The following SPAG16 variants were observed in gnomAD, a reference collection of about 807,000 sequenced individuals.
The protein encoded by SPAG16 is sperm-associated antigen 16 protein.
A neutral mutation model predicts 80.4 loss-of-function variants in SPAG16; 86 were observed. That is an observed-to-expected ratio of 1.07 (90% CI 0.90 to 1.28). SPAG16 has a LOEUF of 1.28. Ranked by LOEUF, SPAG16 falls within the 50% of genes most tolerant of loss-of-function variation. The pLI is 0.00. For synonymous variants in SPAG16, 294 were observed against 265.9 expected, an observed-to-expected ratio of 1.11 and a Z score of -1.03; for missense variants, 870 against 765.3, an observed-to-expected ratio of 1.14 and a Z score of -1.61.
At chr2:213,981,030 T>A (rs915113030) in intron 12 of SPAG16, among the ~76,000 whole-genome samples, 1 of 152,090 alleles carries the variant, frequency 6.6e-6, no homozygotes, top group Admixed American at 6.6e-5. Flanking sequence ...AACAGAAATT[T>A]GTTTCTCACA....
intron 10 of SPAG16, among the ~76,000 whole-genome samples, chr2:213,574,466 A>T (rs1020694304): frequency 6.6e-6 from 1 of 151,976 alleles, no homozygotes; most frequent in Non-Finnish European, 1.5e-5. Context: ...GGAGCTAAAC[A>T]TGGTGTTGGG....
rs182755461 is a variant in SPAG16 at position 214,017,516 on chromosome 2, A to G, written c.1527+3439A>G. Among the ~76,000 whole-genome samples the G allele has an allele frequency of 2.2e-4, 34 of 152,266 alleles. 1 individual carries two copies. In the East Asian group the frequency reaches 6.0e-3, roughly 27 times the overall value. On this transcript the variant is annotated intron_variant, in intron 13 of 15. Coordinates refer to ENST00000331683, the MANE Select transcript of SPAG16 (RefSeq NM_024532.5). ...ATCTTATTTACTTTCTCTTATGTGA[A>G]AAACAGAAGCACTAATGCTTAGAAG...
At chr2:213,886,245 G>A (rs1455471380) in intron 11 of SPAG16, among the ~76,000 whole-genome samples, 7 of 152,104 alleles carry the variant, frequency 4.6e-5, no homozygotes. Flanking sequence ...GAGAAAATTA[G>A]AGTAATATTT....
chr2:213,418,207 T>C (rs2069379536), intron 9 of SPAG16, among the ~76,000 whole-genome samples: 1 of 152,216 alleles, frequency 6.6e-6, no homozygotes, highest in South Asian at 2.1e-4. Flanking sequence ...TATACACATA[T>C]ATGCATACAT....
intron 15 of SPAG16, among the ~76,000 whole-genome samples, chr2:214,285,958 T>C (rs1269294360): frequency 6.6e-6 from 1 of 152,190 alleles, no homozygotes; most frequent in Non-Finnish European, 1.5e-5. Context: ...GTTAATAAGC[T>C]TTTTCCCTAT....
chr2:214,249,977 A>G (rs1690131292), intron 15 of SPAG16: 1 of 152,180 alleles, frequency 6.6e-6, no homozygotes, highest in African/African-American at 2.4e-5. Context: ...CTTTCTTCCA[A>G]TGATGACTCA....
chr2:213,736,244 G>T (rs1553619687), intron 10 of SPAG16, among the ~76,000 whole-genome samples: 3 of 152,072 alleles, frequency 2.0e-5, no homozygotes. Context: ...TCATAATAAA[G>T]ATAATGATGA....
At chr2:214,055,794 T>C (rs979419494) in intron 13 of SPAG16, among the ~76,000 whole-genome samples, 1 of 152,192 alleles carries the variant, frequency 6.6e-6, no homozygotes, top group African/African-American at 2.4e-5. Context: ...CATACACTCT[T>C]ATATTGGAGC....
intron 11 of SPAG16, among the ~76,000 whole-genome samples, chr2:213,903,464 T>C (rs571470639): frequency 6.6e-6 from 1 of 152,270 alleles, no homozygotes; most frequent in East Asian, 1.9e-4. Flanking sequence ...TGGCCCAAGC[T>C]CTACGTTGGC....
intron 10 of SPAG16, among the ~76,000 whole-genome samples, chr2:213,728,780 G>A (rs2066891580): frequency 6.6e-6 from 1 of 150,760 alleles, no homozygotes; most frequent in Non-Finnish European, 1.5e-5. Flanking sequence ...GGCAGGCTGA[G>A]GCAGGAGAAT....
intron 14 of SPAG16, among the ~76,000 whole-genome samples, chr2:214,130,326 T>C (rs1309044444): frequency 6.6e-6 from 1 of 152,124 alleles, no homozygotes; most frequent in African/African-American, 2.4e-5. Context: ...TCTGAGAACA[T>C]GGAGTACTTT....
At chr2:213,748,397 A>G (rs1253261087) in intron 10 of SPAG16, among the ~76,000 whole-genome samples, 2 of 152,136 alleles carry the variant, frequency 1.3e-5, no homozygotes, top group East Asian at 3.8e-4. Context: ...TTAAAAAGAT[A>G]TAAGTAAATT....
At position 213,316,967 on chromosome 2, in the gene SPAG16, T is replaced by A. The variant is rs572380501; in HGVS notation, c.399-252T>A. ...GTAGACATTTTTGTCAATTTTAATA[T>A]TGTCTAGACCAGTGCCTGGAACATA... On this transcript the variant is annotated intron_variant, in intron 4 of 15. Transcript: ENST00000331683. Among the ~76,000 whole-genome samples, 139 of 152,204 alleles carry A rather than the reference T, an allele frequency of 9.1e-4. 1 individual carries two copies. Among genetic ancestry groups the A allele is most frequent in the African/African-American group, 3.3e-3 (136 of 41,546 alleles).
chr2:213,377,703 T>C (rs2066947795), intron 9 of SPAG16, among the ~76,000 whole-genome samples: 1 of 152,034 alleles, frequency 6.6e-6, no homozygotes, highest in African/African-American at 2.4e-5. Flanking sequence ...GTTTGCTAAC[T>C]GGCAAGGTTG....
At chr2:214,272,104 C>A (rs940857777) in intron 15 of SPAG16, among the ~76,000 whole-genome samples, 5 of 152,054 alleles carry the variant, frequency 3.3e-5, no homozygotes, top group Non-Finnish European at 7.4e-5. Flanking sequence ...TTCAAAGTGT[C>A]ATATCTGTGC....
rs1237116846 is a variant in SPAG16, at chr2:213,296,073, T to C, written c.146T>C (p.Ile49Thr). The change falls in exon 2 of 16, where the codon ATA becomes ACA. Residue 49 changes from isoleucine to threonine, a missense_variant. Ile to Thr is a moderately conservative substitution (Grantham distance 89). Transcript: ENST00000331683. ...TTGACAAGATATTCAGAGGTCACCA[T>C]AACTGAAGCATCTGAAGATGACTAT... ...EGAYYLEQVTITEASEDDYEY... is the reference protein window; with the variant it reads ...EGAYYLEQVTTTEASEDDYEY... 2 of 1,610,202 alleles carry C rather than the reference T, an allele frequency of 1.2e-6. No homozygotes were observed. Among genetic ancestry groups the C allele is most frequent in the East Asian group, 2.2e-5 (1 of 44,670 alleles).
intron 15 of SPAG16, among the ~76,000 whole-genome samples, chr2:214,208,368 A>T (rs2058202150): frequency 6.6e-6 from 1 of 152,148 alleles, no homozygotes; most frequent in Non-Finnish European, 1.5e-5. Flanking sequence ...TTCTCTGTTT[A>T]AACTGATTAG....
intron 10 of SPAG16, among the ~76,000 whole-genome samples, chr2:213,507,768 GA>G (rs2075025051): frequency 6.6e-6 from 1 of 152,198 alleles, no homozygotes; most frequent in Admixed American, 6.5e-5. Flanking sequence ...TCTCCCCACT[GA>G]ATCTCTGCTG....
intron 10 of SPAG16, among the ~76,000 whole-genome samples, chr2:213,728,823 G>GCTGAGATT (rs1349340649): frequency 1.4e-5 from 2 of 144,218 alleles, no homozygotes; most frequent in African/African-American, 5.1e-5. Context: ...CTTGCGGTGA[G>GCTGAGATT]CTGAGATTGC....
Sources: allele counts gnomAD v4.1 joint callset (sites outside exome capture counted in the v4.1 genomes callset), GRCh38; gene constraint gnomAD v4.1.1; transcripts MANE v1.5; gene names NCBI Gene and HGNC (gene_info 2026-07-23, HGNC 2026-07-21).